Variants in CDC27 observed in about 807,000 individuals in gnomAD.
CDC27 encodes the protein cell division cycle protein 27 homolog.
In CDC27, 27 loss-of-function variants were observed where a neutral mutation model predicts 109.7. That is an observed-to-expected ratio of 0.25 (90% confidence interval 0.18 to 0.34). The LOEUF (loss-of-function observed/expected upper bound fraction) is 0.34. CDC27 is among the 10% of genes least tolerant of loss of function. CDC27 has a pLI of 1.00. For synonymous variants in CDC27, 266 were observed against 333.9 expected, an observed-to-expected ratio of 0.80 and a Z score of 2.22; for missense variants, 579 against 960.2, an observed-to-expected ratio of 0.60 and a Z score of 5.25.
chr17:47,142,086 G>C (rs2062812466), intron 11 of CDC27, 61 bp from the exon 12 acceptor site: 1 of 1,318,984 alleles, frequency 7.6e-7, no homozygotes, highest in Admixed American at 2.4e-5. Flanking sequence ...TGCTTCTCTA[G>C]AAAAGGTAAT....
chr17:47,158,078 C>CTCAATTT (rs1480149424), intron 5 of CDC27, 128 bp downstream of exon 5: 1 of 417,684 alleles, frequency 2.4e-6, no homozygotes, highest in African/African-American at 2.1e-5. Context: ...ATTTTTTATT[C>CTCAATTT]TCAATTTTAA....
intron 1 of CDC27, among the ~76,000 whole-genome samples, chr17:47,188,233 A>C (rs1167969789): frequency 1.3e-5 from 2 of 152,188 alleles, no homozygotes; most frequent in Non-Finnish European, 2.9e-5. Flanking sequence ...GTTAAAGATC[A>C]TATAGTGGGA....
intron 2 of CDC27, among the ~76,000 whole-genome samples, chr17:47,178,132 A>G (rs766153420): frequency 6.6e-6 from 1 of 152,116 alleles, no homozygotes; most frequent in Non-Finnish European, 1.5e-5. Flanking sequence ...GCAAATCTCA[A>G]CTCACTAGTG....
In CDC27 at chr17:47,151,846, G is replaced by A; in HGVS notation, c.1030C>T (p.Pro344Ser). ...GAACTTTGTGTTTGTGCAAGAATTG[G>A]AGTTACCTCTCGGCTATTTCCACTC... ...SQSGNSREVT[P>S]ILAQTQSSGP... The change falls in exon 9 of 19, where the codon CCA (proline) becomes TCA (serine). Residue 344 changes from proline (P) to serine (S), a missense_variant. Pro to Ser is a moderately conservative substitution (Grantham distance 74). Coordinates refer to ENST00000066544, the MANE Select transcript of CDC27 (RefSeq NM_001256.6). 6.2e-7 allele frequency: 1 copy of A among 1,606,298 alleles called. No individual in the cohort carries two copies. The highest frequency in any genetic ancestry group is 8.5e-7 in the Non-Finnish European group (1 of 1,176,442).
At chr17:47,121,883 G>A (rs1235881496) in intron 18 of CDC27, among the ~76,000 whole-genome samples, 1 of 151,914 alleles carries the variant, frequency 6.6e-6, no homozygotes, top group East Asian at 1.9e-4. Flanking sequence ...AGGATTACAG[G>A]CGCCCGCAAC....
intron 2 of CDC27, among the ~76,000 whole-genome samples, chr17:47,175,817 A>T (rs1011513753): frequency 5.9e-5 from 9 of 152,208 alleles, no homozygotes; most frequent in African/African-American, 2.2e-4. Context: ...CTCTGTCTCA[A>T]AAGAAAAAAA....
At chr17:47,174,015 A>T (rs1053428920) in intron 2 of CDC27, among the ~76,000 whole-genome samples, 2 of 152,252 alleles carry the variant, frequency 1.3e-5, no homozygotes, top group African/African-American at 4.8e-5. Flanking sequence ...AATCGCCTGG[A>T]CCCAGGAGGC....
At chr17:47,121,292 T>C (rs1269259019) in intron 18 of CDC27, among the ~76,000 whole-genome samples, 1 of 151,974 alleles carries the variant, frequency 6.6e-6, no homozygotes, top group Non-Finnish European at 1.5e-5. Flanking sequence ...GAATTACAAC[T>C]AGCTAGTTCT....
chr17:47,163,059 T>C (rs2063541440), intron 4 of CDC27, among the ~76,000 whole-genome samples: 2 of 152,126 alleles, frequency 1.3e-5, no homozygotes, highest in South Asian at 4.1e-4. Context: ...AAGTTTTTAT[T>C]AAAATTGAGT....
At chr17:47,148,855 G>A (rs756767422) in intron 9 of CDC27, among the ~76,000 whole-genome samples, 5 of 152,010 alleles carry the variant, frequency 3.3e-5, no homozygotes, top group Non-Finnish European at 7.4e-5. Context: ...CAAGATGGGC[G>A]ATCACCTGAG....
chr17:47,130,245 G>A (rs571052278), intron 15 of CDC27, among the ~76,000 whole-genome samples: 5 of 151,882 alleles, frequency 3.3e-5, no homozygotes, highest in Admixed American at 1.3e-4. Context: ...CCTGTAGTCC[G>A]AGCTACTTGG....
At chr17:47,144,012 A>T in intron 9 of CDC27, 30 bp from the exon 10 acceptor site, 1 of 987,906 alleles carries the variant, frequency 1.0e-6, no homozygotes, top group Non-Finnish European at 1.4e-6. Flanking sequence ...GAAGACATTA[A>T]TATTTTACTT....
intron 7 of CDC27, among the ~76,000 whole-genome samples, chr17:47,155,283 T>C (rs1396531890): frequency 6.6e-6 from 1 of 152,206 alleles, no homozygotes; most frequent in East Asian, 1.9e-4. Context: ...TCTCGCTCTG[T>C]TGCCCAGGCT....
At chr17:47,168,594 C>T (rs1019582724) in intron 4 of CDC27, among the ~76,000 whole-genome samples, 4 of 151,964 alleles carry the variant, frequency 2.6e-5, no homozygotes, top group African/African-American at 9.7e-5. Context: ...GGAAATGAAT[C>T]TCAAAGTTTC....
chr17:47,183,853 G>A (rs1309510891), intron 1 of CDC27, among the ~76,000 whole-genome samples: 1 of 152,112 alleles, frequency 6.6e-6, no homozygotes, highest in Non-Finnish European at 1.5e-5. Flanking sequence ...TTCCACTGTT[G>A]ACACTCTTGT....
chr17:47,157,235 T>G lies in CDC27; in HGVS notation c.625A>C (p.Thr209Pro). 6.2e-7 allele frequency: 1 copy of G among 1,607,308 alleles called. No homozygotes were observed. Among genetic ancestry groups the G allele is most frequent in the Non-Finnish European group, 8.5e-7 (1 of 1,177,514 alleles). ...CTAGAATATAAGACACTTACAATTGTGTCCTGGGGTGTTTCCGTAAGAACT... is the reference window on the plus strand; with the variant it reads ...CTAGAATATAAGACACTTACAATTGGGTCCTGGGGTGTTTCCGTAAGAACT... ...ETVLTETPQD[T>P]IELNRLNLES... Residue 209 changes from threonine to proline, a missense_variant, in exon 6 of 19, where the codon ACA becomes CCA. Physicochemically the swap from Thr to Pro is conservative, Grantham distance 38. This residue lies in a region of CDC27 where 57 missense variants were observed against 59.0 expected (regional missense o/e 0.97). Transcript: ENST00000066544.
chr17:47,169,347 A>G (rs969153428), intron 4 of CDC27, among the ~76,000 whole-genome samples: 1 of 151,882 alleles, frequency 6.6e-6, no homozygotes, highest in African/African-American at 2.4e-5. Flanking sequence ...CACCCAAGGT[A>G]AAATAAACTA....
At chr17:47,161,010 T>C (rs1413864992) in intron 4 of CDC27, 4 of 151,742 alleles carry the variant, frequency 2.6e-5, no homozygotes, top group Non-Finnish European at 4.4e-5. Flanking sequence ...AAAACATAAA[T>C]AAGTTTTATC....
chr17:47,162,362 T>G (rs2063522947), intron 4 of CDC27, among the ~76,000 whole-genome samples: 1 of 152,228 alleles, frequency 6.6e-6, no homozygotes, highest in Admixed American at 6.5e-5. Context: ...AGGCCCCTTC[T>G]GTCTCATAAT....
Sources: gnomAD v4.1 joint callset for allele counts (sites outside exome capture counted in the v4.1 genomes callset) on GRCh38, gnomAD v4.1.1 for gene constraint, gnomAD v4.1.1 regional missense constraint, MANE v1.5 for transcripts, NCBI Gene and HGNC (gene_info 2026-07-23, HGNC 2026-07-21) for gene names.